The following CACNA1C variants were observed in gnomAD, a reference collection of about 807,000 sequenced individuals.
The protein encoded by CACNA1C is voltage-dependent L-type calcium channel subunit alpha-1C.
In CACNA1C, 30 loss-of-function variants were observed where a neutral mutation model predicts 229.0. That is an observed-to-expected ratio of 0.13 (90% CI 0.10 to 0.18). The LOEUF (loss-of-function observed/expected upper bound fraction) is 0.18, where lower values mean the gene tolerates loss of function less well. Ranked by LOEUF, CACNA1C falls within the 10% of genes least tolerant of loss-of-function variation. The pLI is 1.00. For synonymous variants in CACNA1C, 1,114 were observed against 1,132.5 expected (o/e 0.98, Z 0.33); for missense variants, 1,658 against 2,845.0 (o/e 0.58, Z 9.49).
intron 3 of CACNA1C, among the ~76,000 whole-genome samples, chr12:2,400,418 T>G (rs1296716915): frequency 6.6e-6 from 1 of 152,178 alleles, no homozygotes; most frequent in Non-Finnish European, 1.5e-5. Context: ...TACCAAGTTC[T>G]CATTAGGGTC....
At chr12:2,642,008 G>A (rs1419891983) in intron 30 of CACNA1C, among the ~76,000 whole-genome samples, 1 of 152,164 alleles carries the variant, frequency 6.6e-6, no homozygotes, top group African/African-American at 2.4e-5. Flanking sequence ...GTGTGATGTG[G>A]GGTTGAGGGG....
chr12:2,369,376 AT>A (rs1303020234), intron 3 of CACNA1C, among the ~76,000 whole-genome samples: 1 of 151,494 alleles, frequency 6.6e-6, no homozygotes, highest in Non-Finnish European at 1.5e-5. Context: ...ATTGGTAAGT[AT>A]TTGGAAATAA....
At chr12:2,006,294 G>T (rs1402574251) in intron 1 of CACNA1C, among the ~76,000 whole-genome samples, 1 of 152,098 alleles carries the variant, frequency 6.6e-6, no homozygotes, top group Non-Finnish European at 1.5e-5. Context: ...TGTAATCCCG[G>T]ATACTCGGGA....
intron 1 of CACNA1C, among the ~76,000 whole-genome samples, chr12:2,064,382 T>G (rs919236150): frequency 6.6e-6 from 1 of 152,088 alleles, no homozygotes; most frequent in Non-Finnish European, 1.5e-5. Context: ...TGGGAGAGGG[T>G]GGCTCCCCTC....
intron 9 of CACNA1C, among the ~76,000 whole-genome samples, chr12:2,547,188 C>T (rs1256933542): frequency 6.6e-6 from 1 of 152,228 alleles, no homozygotes; most frequent in Non-Finnish European, 1.5e-5. Context: ...GCCTCTCTCT[C>T]CTGGAGTAAT....
chr12:2,054,614 T>A lies in CACNA1C; in HGVS notation c.49+1003T>A, dbSNP rs2053904279. ...ACAAGTTGTTTTCTTGGACGTTGCT[T>A]AGCATTTAAGGTTTTGGGGACGGGG... On this transcript the variant is annotated intron_variant, in intron 1 of 46. Coordinates refer to ENST00000399655, the MANE Select transcript of CACNA1C (RefSeq NM_000719.7). This position sits in a 1 kb window ranked among gnomAD's most constrained non-coding sequence, Gnocchi z 5.5. 6.6e-6 allele frequency among the ~76,000 whole-genome samples: 1 copy of A among 152,088 alleles called. No individual in the cohort carries two copies. Among genetic ancestry groups the A allele is most frequent in the African/African-American group, 2.4e-5 (1 of 41,402 alleles).
chr12:2,567,833 GGAA>G (rs1351775790), intron 13 of CACNA1C, 39 bp downstream of exon 13: 11 of 1,317,968 alleles, frequency 8.3e-6, no homozygotes, highest in Non-Finnish European at 1.2e-5. Flanking sequence ...AGGGGACTCA[GGAA>G]GAAGTTCTTC....
In CACNA1C at chr12:2,251,377, T is replaced by C. The variant is rs186404714; in HGVS notation, c.477+130947T>C. On this transcript the variant is annotated intron_variant, in intron 3 of 46. Transcript: ENST00000399655. ...GTACAGTGATCCTAAAGGACATGGCTGAAGCGTGTTGAAATCCTCCTTTGT... is the reference window on the plus strand; with the variant it reads ...GTACAGTGATCCTAAAGGACATGGCCGAAGCGTGTTGAAATCCTCCTTTGT... Among the ~76,000 whole-genome samples the C allele has an allele frequency of 2.4e-4, 36 of 152,324 alleles. No homozygotes were observed. The East Asian group carries it at 6.6e-3, about 28-fold the overall frequency.
chr12:2,390,399 C>G (rs10160993), intron 3 of CACNA1C, among the ~76,000 whole-genome samples: 66,926 of 152,038 alleles, frequency 0.44, 14,910 homozygotes, highest in Non-Finnish European at 0.46. Flanking sequence ...CTTAACATTA[C>G]GGGACAGTCA....
At chr12:2,650,711 C>A (rs1046488641) in intron 31 of CACNA1C, among the ~76,000 whole-genome samples, 7 of 152,170 alleles carry the variant, frequency 4.6e-5, no homozygotes, top group African/African-American at 1.2e-4. Flanking sequence ...AGCCCCCAGG[C>A]TCCCCCAGGT....
At chr12:2,219,413 A>C (rs1486832431) in intron 3 of CACNA1C, among the ~76,000 whole-genome samples, 1 of 152,216 alleles carries the variant, frequency 6.6e-6, no homozygotes, top group Non-Finnish European at 1.5e-5. Context: ...GGAGAGACCA[A>C]CAGATAGGGC....
chr12:2,353,086 G>A (rs1055002952), intron 3 of CACNA1C, among the ~76,000 whole-genome samples: 1 of 152,176 alleles, frequency 6.6e-6, no homozygotes, highest in African/African-American at 2.4e-5. Flanking sequence ...GTGCTGGGGC[G>A]AGGTCACCTG....
At position 2,649,396 on chromosome 12, in the gene CACNA1C, T is replaced by C. The variant is rs1261436873; in HGVS notation, c.3945+889T>C. Among the ~76,000 whole-genome samples, 1 of 152,228 alleles carries C rather than the reference T, an allele frequency of 6.6e-6. No homozygotes were observed. The highest frequency in any genetic ancestry group is 2.4e-5 in the African/African-American group (1 of 41,474). On this transcript the variant is annotated intron_variant, in intron 31 of 46. Transcript: ENST00000399655. This position sits in a 1 kb window ranked among gnomAD's most constrained non-coding sequence, Gnocchi z 4.4. Reference sequence around the variant, plus strand: ...CGAGGCAAGCTTGGGTGGGTTGATGTGTTCCCCAGTGCAGCCTGGCGCTGC... The same window carrying C: ...CGAGGCAAGCTTGGGTGGGTTGATGCGTTCCCCAGTGCAGCCTGGCGCTGC...
At chr12:2,564,345 G>A (rs2049132042) in intron 11 of CACNA1C, among the ~76,000 whole-genome samples, 1 of 152,124 alleles carries the variant, frequency 6.6e-6, no homozygotes. Flanking sequence ...CTGCCCAGAG[G>A]CAGATTCTGC....
chr12:2,375,661 A>G (rs2098032214), intron 3 of CACNA1C, among the ~76,000 whole-genome samples: 1 of 152,174 alleles, frequency 6.6e-6, no homozygotes, highest in Non-Finnish European at 1.5e-5. Context: ...TTTATACATC[A>G]TACCCTAAGG....
At chr12:2,247,513 G>A (rs1037964358) in intron 3 of CACNA1C, among the ~76,000 whole-genome samples, 3 of 152,132 alleles carry the variant, frequency 2.0e-5, no homozygotes, top group African/African-American at 4.8e-5. Context: ...AGTTTAACAC[G>A]GCAATGTGAC....
intron 38 of CACNA1C, 37 bp downstream of exon 38, chr12:2,669,072 A>AT: frequency 7.3e-7 from 1 of 1,372,530 alleles, no homozygotes; most frequent in Non-Finnish European, 1.0e-6. Context: ...AGACACTCAG[A>AT]AGGTCTAGCA....
intron 9 of CACNA1C, among the ~76,000 whole-genome samples, chr12:2,532,419 G>A (rs570714214): frequency 1.3e-5 from 2 of 152,212 alleles, no homozygotes; most frequent in South Asian, 2.1e-4. Context: ...AAGAAGGCCC[G>A]CTCCCCCACA....
chr12:2,333,887 C>T (rs1248081340), intron 3 of CACNA1C, among the ~76,000 whole-genome samples: 2 of 152,210 alleles, frequency 1.3e-5, no homozygotes, highest in Non-Finnish European at 2.9e-5. Flanking sequence ...GAATTACTTC[C>T]CTTAGGAAAG....
Sources: allele counts gnomAD v4.1 joint callset (sites outside exome capture counted in the v4.1 genomes callset), GRCh38; gene constraint gnomAD v4.1.1; non-coding constraint Gnocchi (gnomAD v3.1); transcripts MANE v1.5; gene names NCBI Gene and HGNC (gene_info 2026-07-23, HGNC 2026-07-21).